Variants in EPB41L2 observed in about 807,000 individuals in gnomAD.
EPB41L2 encodes the protein erythrocyte membrane protein band 4.1 like 2.
Under a neutral mutation model 113.0 loss-of-function variants are expected in EPB41L2, and 43 were observed. The observed-to-expected ratio is 0.38, with a 90% CI of 0.30 to 0.49. The LOEUF (loss-of-function observed/expected upper bound fraction) is 0.49. Among genes scored for constraint, EPB41L2 ranks in the 20% least tolerant of loss-of-function variants. The pLI is 0.95. For missense variants in EPB41L2, 1,147 were observed against 1,223.4 expected, an observed-to-expected ratio of 0.94 and a Z score of 0.93; for synonymous variants, 442 against 436.7, an observed-to-expected ratio of 1.01 and a Z score of -0.15.
intron 4 of EPB41L2, among the ~76,000 whole-genome samples, chr6:130,925,509 A>T (rs537796293): frequency 1.9e-4 from 29 of 152,312 alleles, no homozygotes; most frequent in African/African-American, 6.5e-4. Flanking sequence ...AATGTAGTAT[A>T]TCCTATGCCT....
At chr6:131,032,262 C>T (rs965540044) in intron 1 of EPB41L2, among the ~76,000 whole-genome samples, 1 of 151,934 alleles carries the variant, frequency 6.6e-6, no homozygotes, top group East Asian at 1.9e-4. Flanking sequence ...GGGTTTCATC[C>T]TTCCTTCAGT....
Position 131,058,681 on chromosome 6 carries a change from A to T in EPB41L2, c.-15+4474T>A, listed in dbSNP as rs979563126. On this transcript the variant is annotated intron_variant, in intron 1 of 19. Coordinates refer to ENST00000337057, the MANE Select transcript of EPB41L2 (RefSeq NM_001431.4). ...TCTCTCATATGAAATACACACACAT[A>T]CACATACTTTATAGAAAAAGCTACC... 3.3e-5 allele frequency among the ~76,000 whole-genome samples: 5 copies of T among 152,322 alleles called. No homozygotes were observed. In the East Asian group the frequency reaches 9.6e-4, roughly 29 times the overall value.
At position 131,000,113 on chromosome 6, in the gene EPB41L2, T is replaced by C. The variant is rs114822341; in HGVS notation, c.-14-43614A>G. 6.5e-3 allele frequency among the ~76,000 whole-genome samples: 988 copies of C among 151,898 alleles called. 18 individuals are homozygous for C. Among genetic ancestry groups the C allele is most frequent in the African/African-American group, 0.023 (953 of 41,334 alleles). ...TCTCACTGTTGACCTTCCAATTTCCTATAGATGTAAATACCGTATAAAGAT... is the reference window on the plus strand; with the variant it reads ...TCTCACTGTTGACCTTCCAATTTCCCATAGATGTAAATACCGTATAAAGAT... On this transcript the variant is annotated intron_variant, in intron 1 of 19. Coordinates refer to ENST00000337057, the MANE Select transcript of EPB41L2 (RefSeq NM_001431.4).
intron 4 of EPB41L2, among the ~76,000 whole-genome samples, chr6:130,921,872 C>A (rs1021658863): frequency 1.3e-5 from 2 of 152,172 alleles, no homozygotes; most frequent in African/African-American, 2.4e-5. Flanking sequence ...TTGAAAATAT[C>A]AACCTGACCA....
At chr6:130,899,657 T>A (rs1027012683) in intron 7 of EPB41L2, 79 bp from the exon 8 acceptor site, 19 of 1,370,456 alleles carry the variant, frequency 1.4e-5, no homozygotes, top group East Asian at 1.2e-4. Flanking sequence ...GTGTCTGTGC[T>A]CAGAGGGTTT....
intron 12 of EPB41L2, chr6:130,882,314 T>G (rs923332799): frequency 1.4e-4 from 21 of 152,304 alleles, no homozygotes; most frequent in Admixed American, 9.2e-4. Flanking sequence ...TGTGTGGAAC[T>G]GGTCAATGGT....
chr6:130,944,139 T>G (rs1811875289), intron 3 of EPB41L2, among the ~76,000 whole-genome samples: 1 of 142,352 alleles, frequency 7.0e-6, no homozygotes. Flanking sequence ...TGAGGGTGGG[T>G]GGATTATATA....
Position 130,955,211 on chromosome 6 carries a change from T to C in EPB41L2, c.599A>G (p.Asn200Ser). The C allele has an allele frequency of 6.2e-7, 1 of 1,614,194 alleles. No homozygotes were observed. The highest frequency in any genetic ancestry group is 8.5e-7 in the Non-Finnish European group (1 of 1,180,032). ...AKRETKEVQT[N>S]ELKAEKASQK... is the part of the protein sequence containing the mutation. ...AGATGCCTTCTCTGCTTTCAGCTCA[T>C]TGGTCTGCACTTCCTTGGTCTCCCT... Residue 200 changes from asparagine (N) to serine (S), a missense_variant, in exon 3 of 20, where the codon AAT (asparagine) becomes AGT (serine). Physicochemically the swap from Asn to Ser is conservative, Grantham distance 46. Transcript: ENST00000337057.
chr6:130,977,229 T>C (rs766383553), intron 1 of EPB41L2, among the ~76,000 whole-genome samples: 12 of 152,178 alleles, frequency 7.9e-5, no homozygotes, highest in Non-Finnish European at 1.5e-4. Flanking sequence ...ATACTCTACA[T>C]ATGACTGAGC....
intron 1 of EPB41L2, among the ~76,000 whole-genome samples, chr6:131,055,826 T>C (rs1797474052): frequency 6.6e-6 from 1 of 152,016 alleles, no homozygotes; most frequent in African/African-American, 2.4e-5. Flanking sequence ...GTGTGTAGTC[T>C]GTGCTGCAAA....
At chr6:131,030,083 C>A (rs1281768004) in intron 1 of EPB41L2, among the ~76,000 whole-genome samples, 12 of 132,638 alleles carry the variant, frequency 9.0e-5, no homozygotes, top group Non-Finnish European at 8.6e-5. Context: ...CTACCAGGAC[C>A]CCGTGCTCTA....
chr6:130,895,963 T>C (rs1471961175), intron 8 of EPB41L2, among the ~76,000 whole-genome samples: 1 of 152,182 alleles, frequency 6.6e-6, no homozygotes, highest in Non-Finnish European at 1.5e-5. Flanking sequence ...TGTTTATCTC[T>C]AAGAGGAGAG....
intron 1 of EPB41L2, among the ~76,000 whole-genome samples, chr6:131,051,746 T>A (rs1360894695): frequency 6.6e-6 from 1 of 151,986 alleles, no homozygotes; most frequent in Non-Finnish European, 1.5e-5. Context: ...CCTTCAAAAT[T>A]TGAAGGGAAG....
At chr6:130,946,328 T>G (rs1219680883) in intron 3 of EPB41L2, among the ~76,000 whole-genome samples, 1 of 152,182 alleles carries the variant, frequency 6.6e-6, no homozygotes, top group Non-Finnish European at 1.5e-5. Context: ...TTAACTTAAC[T>G]ATAATCATCA....
chr6:130,934,921 G>A (rs1348106085), intron 3 of EPB41L2, among the ~76,000 whole-genome samples: 4 of 150,132 alleles, frequency 2.7e-5, no homozygotes, highest in African/African-American at 7.4e-5. Context: ...TAAACATGTT[G>A]GATTCTTACA....
At chr6:130,975,885 G>A (rs1778077556) in intron 1 of EPB41L2, among the ~76,000 whole-genome samples, 1 of 152,066 alleles carries the variant, frequency 6.6e-6, no homozygotes, top group South Asian at 2.1e-4. Context: ...AAAATTAGCT[G>A]GGCGCGGTGG....
chr6:130,868,854 C>T (rs1784747880), intron 15 of EPB41L2: 1 of 152,260 alleles, frequency 6.6e-6, no homozygotes, highest in Non-Finnish European at 1.5e-5. Flanking sequence ...ATATAATCAT[C>T]TGGCAAATAC....
intron 1 of EPB41L2, among the ~76,000 whole-genome samples, chr6:130,959,047 G>T (rs974364785): frequency 2.6e-5 from 4 of 152,062 alleles, no homozygotes; most frequent in African/African-American, 9.7e-5. Context: ...GAAACAGTAG[G>T]GTAAAGAACA....
At position 130,878,470 on chromosome 6, in the gene EPB41L2, A is replaced by T. The variant is rs1788259908; in HGVS notation, c.1897-220T>A. 6.7e-6 allele frequency: 3 copies of T among 450,814 alleles called. No homozygotes were observed. In the Admixed American group the frequency reaches 1.3e-4, roughly 20 times the overall value. 27.9% of individuals were successfully genotyped at this position (450,814 alleles called of 1,614,324 possible). On this transcript the variant is annotated intron_variant, in intron 13 of 19. Coordinates refer to ENST00000337057, the MANE Select transcript of EPB41L2 (RefSeq NM_001431.4). ...AATAAAGTCAATGCGTACTTCTTCA[A>T]TGATTTACATTTTAAAGGGTTCTGA...
Sources: allele counts gnomAD v4.1 joint callset (sites outside exome capture counted in the v4.1 genomes callset), GRCh38; gene constraint gnomAD v4.1.1; transcripts MANE v1.5; gene names NCBI Gene and HGNC (gene_info 2026-07-23, HGNC 2026-07-21).